GAPT: variants seen among roughly 807,000 people sequenced by gnomAD.
GAPT encodes GRB2 binding adaptor protein, transmembrane.
For synonymous variants in GAPT, 82 were observed against 69.7 expected (o/e 1.18, Z -0.88); for missense variants, 206 against 189.2 (o/e 1.09, Z -0.52).
In GAPT at chr5:58,493,839, G is replaced by A. The variant is rs1367132697; in HGVS notation, c.-291+1G>A. ...CAGGGCTTCACAGAAGAGGTGACAG[G>A]TAATAAAGATGATTGCACGTGTCTG... On this transcript the variant is annotated splice_donor_variant, in intron 2 of 2. Coordinates refer to ENST00000502276, the MANE Select transcript of GAPT (RefSeq NM_001304431.2). LOFTEE classifies it low-confidence loss of function (5UTR_SPLICE). 1.5e-5 allele frequency: 2 copies of A among 132,898 alleles called. No homozygotes were observed. Among genetic ancestry groups the A allele is most frequent in the African/African-American group, 2.9e-5 (1 of 34,066 alleles). The allele number at this position is 132,898 out of a possible 1,614,324, so 8.2% of individuals were successfully genotyped here.
Position 58,495,910 on chromosome 5 carries a change from G to A in GAPT, c.*900G>A, listed in dbSNP as rs145574637. The A allele has an allele frequency of 4.2e-3, 698 of 167,086 alleles. 2 individuals carry two copies. The highest frequency in any genetic ancestry group is 6.0e-3 in the Non-Finnish European group (412 of 68,106). The allele number at this position is 167,086 out of a possible 1,614,324, so 10.4% of individuals were successfully genotyped here. A position where few individuals can be genotyped will look rare whatever the true frequency, so the allele number is the denominator to read the frequency against. ...CAAAATTTATGGTTTTCCACAATTG[G>A]TTCCAATTCACTTTTCCAGTGACTT... On this transcript the variant is annotated 3_prime_UTR_variant, in exon 3 of 3. Transcript: ENST00000502276.
In GAPT at chr5:58,494,898, A is replaced by C. The variant is rs1375634160; in HGVS notation, c.362A>C (p.Glu121Ala). 6.2e-7 allele frequency: 1 copy of C among 1,614,074 alleles called. No individual in the cohort carries two copies. The highest frequency in any genetic ancestry group is 1.7e-5 in the Admixed American group (1 of 59,994). The change falls in exon 3 of 3, where the codon GAG becomes GCG. Residue 121 changes from glutamate to alanine, a missense_variant. Physicochemically the swap from Glu to Ala is moderately radical, Grantham distance 107. Transcript: ENST00000502276. ...GAAAACACAGGGCAGTCTAATTTCG[A>C]GGAGCATATCTATGGAAATGAGACA... ...LYENTGQSNF[E>A]EHIYGNETSS...
Position 58,494,452 on chromosome 5 carries a change from T to C in GAPT, c.-85T>C. 1 of 1,175,206 alleles carries C rather than the reference T, an allele frequency of 8.5e-7. No homozygotes were observed. The highest frequency in any genetic ancestry group is 2.7e-5 in the Admixed American group (1 of 36,958). 72.8% of individuals were successfully genotyped at this position (1,175,206 alleles called of 1,614,324 possible). A position where few individuals can be genotyped will look rare whatever the true frequency, so the allele number is the denominator to read the frequency against. Reference sequence around the variant, plus strand: ...CCTAAAAGAGCTTCCAAACTCATTTTTGAATAATACTAGGCTACAAAGAAT... The same window carrying C: ...CCTAAAAGAGCTTCCAAACTCATTTCTGAATAATACTAGGCTACAAAGAAT... On this transcript the variant is annotated 5_prime_UTR_variant, in exon 3 of 3. Transcript: ENST00000502276.
At position 58,494,461 on chromosome 5, in the gene GAPT, A is replaced by G. The variant is rs1348004272; in HGVS notation, c.-76A>G. On this transcript the variant is annotated 5_prime_UTR_variant, in exon 3 of 3. It adds an upstream start codon to the 5' untranslated region. Transcript: ENST00000502276. ...GCTTCCAAACTCATTTTTGAATAAT[A>G]CTAGGCTACAAAGAATTACACTGTG... The G allele has an allele frequency of 2.4e-6, 3 of 1,237,552 alleles. No individual in the cohort carries two copies. The highest frequency in any genetic ancestry group is 3.4e-6 in the Non-Finnish European group (3 of 886,706). 76.7% of individuals were successfully genotyped at this position (1,237,552 alleles called of 1,614,324 possible). A position where few individuals can be genotyped will look rare whatever the true frequency, so the allele number is the denominator to read the frequency against.
Position 58,494,513 on chromosome 5 carries a change from C to A in GAPT, c.-24C>A. 1 of 1,562,062 alleles carries A rather than the reference C, an allele frequency of 6.4e-7. No individual in the cohort carries two copies. The highest frequency in any genetic ancestry group is 1.2e-5 in the South Asian group (1 of 84,894). ...ATTCATTAAGGGTAACACCAAATCA[C>A]TAAACAGCACTGTTTGTACAGAAAT... On this transcript the variant is annotated 5_prime_UTR_variant, in exon 3 of 3. Transcript: ENST00000502276.
chr5:58,495,078 A>G lies in GAPT; in HGVS notation c.*68A>G. 1 of 990,532 alleles carries G rather than the reference A, an allele frequency of 1.0e-6. No individual in the cohort carries two copies. Among genetic ancestry groups the G allele is most frequent in the African/African-American group, 1.6e-5 (1 of 61,744 alleles). The allele number at this position is 990,532 out of a possible 1,614,324, so 61.4% of individuals were successfully genotyped here. A position where few individuals can be genotyped will look rare whatever the true frequency, so the allele number is the denominator to read the frequency against. On this transcript the variant is annotated 3_prime_UTR_variant, in exon 3 of 3. Transcript: ENST00000502276. ...ACTGTAATTTTTCAACAGCAAAGAC[A>G]AGGAATCAAACTAAATGTTGATCAA...
chr5:58,494,575 T>G lies in GAPT; in HGVS notation c.39T>G (p.Ser13=). Reference sequence around the variant, plus strand: ...GTGGAAATAATTTAGCGGCCATTTCTGTAGGAATTTCGCTTCTTTTACTCT... The same window carrying G: ...GTGGAAATAATTTAGCGGCCATTTCGGTAGGAATTTCGCTTCTTTTACTCT... The part of the protein sequence containing the change: ...KSCGNNLAAI[S]VGISLLLLLV... Residue 13 remains serine (S), a synonymous_variant, in exon 3 of 3, where the codon TCT becomes TCG. Coordinates refer to ENST00000502276, the MANE Select transcript of GAPT (RefSeq NM_001304431.2). 6.2e-7 allele frequency: 1 copy of G among 1,612,952 alleles called. No individual in the cohort carries two copies. The highest frequency in any genetic ancestry group is 8.5e-7 in the Non-Finnish European group (1 of 1,179,412).
At position 58,491,533 on chromosome 5, in the gene GAPT, A is replaced by G. The variant is rs1424595174; in HGVS notation, c.-427A>G. 1 of 152,206 alleles carries G rather than the reference A, an allele frequency of 6.6e-6. No individual in the cohort carries two copies. Among genetic ancestry groups the G allele is most frequent in the Non-Finnish European group, 1.5e-5 (1 of 68,036 alleles). The allele number at this position is 152,206 out of a possible 1,614,324, so 9.4% of individuals were successfully genotyped here. ...AACAAAAGAGAGAGCTTGACACACCAATCTTGAGGTAAGTAAGAACCTGAT... is the reference window on the plus strand; with the variant it reads ...AACAAAAGAGAGAGCTTGACACACCGATCTTGAGGTAAGTAAGAACCTGAT... On this transcript the variant is annotated 5_prime_UTR_variant, in exon 1 of 3. Transcript: ENST00000502276.
chr5:58,494,167 T>C (rs1744354697), intron 2 of GAPT, 80 bp from the exon 3 acceptor site: 2 of 177,682 alleles, frequency 1.1e-5, no homozygotes, highest in African/African-American at 4.7e-5. Context: ...TGGCAGATCA[T>C]TCAACCTTCT....
chr5:58,496,629 T>G lies in GAPT; in HGVS notation c.*1619T>G, dbSNP rs1331296293. On this transcript the variant is annotated 3_prime_UTR_variant, in exon 3 of 3. Transcript: ENST00000502276. ...TTTCTTTTGCCAGGTGGATCCATTC[T>G]ATTCTCTACCAATAGGGGGCACTAA... 1 of 167,144 alleles carries G rather than the reference T, an allele frequency of 6.0e-6. No homozygotes were observed. The highest frequency in any genetic ancestry group is 1.5e-5 in the Non-Finnish European group (1 of 68,128). The allele number at this position is 167,144 out of a possible 1,614,324, so 10.4% of individuals were successfully genotyped here.
rs1157761503 is a variant in GAPT at position 58,495,161 on chromosome 5, T to TA, written c.*158dup. ...TACACCATAGAATATTATGCAGCCG[T>TA]AAAAAAAGAACAAAACTAACATGGG... On this transcript the variant is annotated 3_prime_UTR_variant, in exon 3 of 3. Coordinates refer to ENST00000502276, the MANE Select transcript of GAPT (RefSeq NM_001304431.2). 4 of 578,698 alleles carry TA rather than the reference T, an allele frequency of 6.9e-6. No individual in the cohort carries two copies. Among genetic ancestry groups the TA allele is most frequent in the Non-Finnish European group, 1.2e-5 (4 of 332,084 alleles). 35.8% of individuals were successfully genotyped at this position (578,698 alleles called of 1,614,324 possible). A position where few individuals can be genotyped will look rare whatever the true frequency, so the allele number is the denominator to read the frequency against.
chr5:58,492,421 A>G (rs1241668654), intron 1 of GAPT, among the ~76,000 whole-genome samples: 1 of 152,162 alleles, frequency 6.6e-6, no homozygotes, highest in African/African-American at 2.4e-5. Context: ...GGTCCTAATG[A>G]TTAAAGTCAT....
rs759538407 is a variant in GAPT at position 58,494,740 on chromosome 5, C to T, written c.204C>T (p.Gly68=). 2 of 1,613,918 alleles carry T rather than the reference C, an allele frequency of 1.2e-6. No individual in the cohort carries two copies. Among genetic ancestry groups the T allele is most frequent in the Non-Finnish European group, 1.7e-6 (2 of 1,179,934 alleles). Residue 68 remains glycine (G), a synonymous_variant, in exon 3 of 3, where the codon GGC becomes GGT. Transcript: ENST00000502276. ...TKTFLGPRII[G]LRHEISVETQ... is the part of the protein sequence containing the mutation. ...CATTCTTGGGCCCCCGCATCATTGGCTTAAGGCATGAAATCTCAGTTGAAA... is the reference window on the plus strand; with the variant it reads ...CATTCTTGGGCCCCCGCATCATTGGTTTAAGGCATGAAATCTCAGTTGAAA...
intron 1 of GAPT, among the ~76,000 whole-genome samples, chr5:58,493,027 CTCAT>C (rs1297389600): frequency 2.6e-5 from 4 of 152,094 alleles, no homozygotes; most frequent in Non-Finnish European, 4.4e-5. Flanking sequence ...TACCTGAATT[CTCAT>C]TCAGTCACAT....
intron 2 of GAPT, 30 bp from the exon 3 acceptor site, chr5:58,494,217 T>G (rs113103263): frequency 2.2e-5 from 5 of 228,130 alleles, no homozygotes; most frequent in African/African-American, 9.0e-5. Flanking sequence ...CTTCCACTCA[T>G]TTCTGCTTCA....
At chr5:58,491,680 A>G (rs1035114724) in intron 1 of GAPT, 139 bp downstream of exon 1, 8 of 152,218 alleles carry the variant, frequency 5.3e-5, no homozygotes, top group East Asian at 1.9e-4. Flanking sequence ...GGGAAACCCA[A>G]TTTACAAACT....
chr5:58,494,721 TG>T lies in GAPT; in HGVS notation c.188del (p.Gly63AlafsTer7). On this transcript the variant is annotated frameshift_variant, in exon 3 of 3. Transcript: ENST00000502276. LOFTEE classifies it low-confidence loss of function (END_TRUNC). Reference sequence around the variant, plus strand: ...AGAAAAGTCTGTACTAAAACATTCTTGGGCCCCCGCATCATTGGCTTAAGGC... The same window carrying T: ...AGAAAAGTCTGTACTAAAACATTCTTGGCCCCCGCATCATTGGCTTAAGGC... ...SRRKVCTKTFLGPRIIGLRHE... is the reference protein window; with the variant it reads ...SRRKVCTKTFXGPRIIGLRHE... 6.2e-7 allele frequency: 1 copy of T among 1,614,020 alleles called. No individual in the cohort carries two copies. The highest frequency in any genetic ancestry group is 8.5e-7 in the Non-Finnish European group (1 of 1,179,970).
rs150656445 is a variant in GAPT at position 58,494,117 on chromosome 5, A to G, written c.-290-130A>G. On this transcript the variant is annotated intron_variant, in intron 2 of 2. Transcript: ENST00000502276. ...AATTTTTCTATGTTAGATAATAAGTATGCAATTAACATATTTTTAATTTAT... is the reference window on the plus strand; with the variant it reads ...AATTTTTCTATGTTAGATAATAAGTGTGCAATTAACATATTTTTAATTTAT... The G allele has an allele frequency of 7.2e-3, 1,127 of 156,878 alleles. 2 individuals are homozygous for G. The highest frequency in any genetic ancestry group is 0.01 in the Non-Finnish European group (739 of 71,162). 9.7% of individuals were successfully genotyped at this position (156,878 alleles called of 1,614,324 possible).
rs375376455 is a variant in GAPT at position 58,493,812 on chromosome 5, A to C, written c.-317A>C. ...CCTCTGACTGCTCCAAAAAAGGATAAGCAGGGCTTCACAGAAGAGGTGACA... is the reference window on the plus strand; with the variant it reads ...CCTCTGACTGCTCCAAAAAAGGATACGCAGGGCTTCACAGAAGAGGTGACA... On this transcript the variant is annotated 5_prime_UTR_variant, in exon 2 of 3. An upstream open reading frame in the 5' UTR loses its in-frame stop. Coordinates refer to ENST00000502276, the MANE Select transcript of GAPT (RefSeq NM_001304431.2). 6.6e-6 allele frequency: 1 copy of C among 151,100 alleles called. No homozygotes were observed. The highest frequency in any genetic ancestry group is 2.4e-5 in the African/African-American group (1 of 40,902). 9.4% of individuals were successfully genotyped at this position (151,100 alleles called of 1,614,324 possible).
Sources: allele counts gnomAD v4.1 joint callset (sites outside exome capture counted in the v4.1 genomes callset), GRCh38; gene constraint gnomAD v4.1.1; transcripts MANE v1.5; gene names NCBI Gene and HGNC (gene_info 2026-07-23, HGNC 2026-07-21).